UNC13C: variants seen among roughly 807,000 people sequenced by gnomAD.
UNC13C encodes the protein unc-13 homolog C.
Under a neutral mutation model 245.4 loss-of-function variants are expected in UNC13C, and 174 were observed. The observed-to-expected ratio is 0.71, with a 90% confidence interval of 0.63 to 0.80. The LOEUF is 0.80. Ranked by LOEUF, UNC13C falls within the 30% of genes least tolerant of loss-of-function variation. The pLI is 0.00. For synonymous variants in UNC13C, 992 were observed against 895.1 expected (o/e 1.11, Z -1.93); for missense variants, 2,829 against 2,602.9 (o/e 1.09, Z -1.89).
intron 13 of UNC13C, among the ~76,000 whole-genome samples, chr15:54,311,961 G>C (rs1317257407): frequency 6.6e-6 from 1 of 151,720 alleles, no homozygotes; most frequent in Non-Finnish European, 1.5e-5. Context: ...AGGTTACAAA[G>C]AGACTTTTAA....
rs916946085 is a variant in UNC13C, at chr15:54,254,590, C to T, written c.3448+4146C>T. 1.4e-4 allele frequency among the ~76,000 whole-genome samples: 22 copies of T among 152,248 alleles called. No homozygotes were observed. In the East Asian group the frequency reaches 3.3e-3, roughly 23 times the overall value. ...AATATCATCTTTCCATATAGGCATA[C>T]GCTATTAAAGGAGCTTCGAGATTAG... On this transcript the variant is annotated intron_variant, in intron 8 of 32. Transcript: ENST00000260323.
intron 4 of UNC13C, among the ~76,000 whole-genome samples, chr15:54,192,107 C>G (rs536710585): frequency 6.6e-6 from 1 of 152,134 alleles, no homozygotes; most frequent in South Asian, 2.1e-4. Flanking sequence ...TTCATGGAGT[C>G]TTTGCCCATG....
intron 2 of UNC13C, among the ~76,000 whole-genome samples, chr15:54,102,230 C>T (rs1900201928): frequency 6.6e-6 from 1 of 151,918 alleles, no homozygotes; most frequent in South Asian, 2.1e-4. Flanking sequence ...CATGTGCATG[C>T]ATATAAACTT....
chr15:54,160,479 A>T (rs1455493679), intron 4 of UNC13C, among the ~76,000 whole-genome samples: 1 of 151,552 alleles, frequency 6.6e-6, no homozygotes, highest in Admixed American at 6.6e-5. Context: ...ACTCCAGGAT[A>T]TCCTTTACTT....
intron 19 of UNC13C, among the ~76,000 whole-genome samples, chr15:54,483,574 C>A (rs1245996765): frequency 6.6e-6 from 1 of 152,148 alleles, no homozygotes. Context: ...CAGCTCACTG[C>A]AACGTCCACC....
At chr15:54,598,201 C>A (rs1229674029) in intron 30 of UNC13C, among the ~76,000 whole-genome samples, 1 of 152,106 alleles carries the variant, frequency 6.6e-6, no homozygotes, top group African/African-American at 2.4e-5. Flanking sequence ...GAAACAATTC[C>A]CCTGCCTCAG....
chr15:53,869,134 T>C, the UNC13C span, among the ~76,000 whole-genome samples: 1 of 152,030 alleles, frequency 6.6e-6, no homozygotes, highest in African/African-American at 2.4e-5. Flanking sequence ...AGAAAGCAAA[T>C]TGATAATCCA....
chr15:54,106,002 T>C (rs913740714), intron 2 of UNC13C, among the ~76,000 whole-genome samples: 1 of 152,208 alleles, frequency 6.6e-6, no homozygotes. Flanking sequence ...ACTAGGTAGA[T>C]ACTTTCTTCT....
At chr15:53,944,323 G>T in the UNC13C span, among the ~76,000 whole-genome samples, 2 of 151,892 alleles carry the variant, frequency 1.3e-5, no homozygotes, top group East Asian at 1.9e-4. Flanking sequence ...ATCATTTCAC[G>T]GGAGTTTGTT....
intron 30 of UNC13C, among the ~76,000 whole-genome samples, chr15:54,608,833 T>G (rs1899921258): frequency 6.6e-6 from 1 of 152,214 alleles, no homozygotes; most frequent in Admixed American, 6.5e-5. Context: ...GTTCCTTATC[T>G]TGCTATACTG....
intron 30 of UNC13C, among the ~76,000 whole-genome samples, chr15:54,612,561 C>T (rs973190797): frequency 6.6e-6 from 1 of 151,946 alleles, no homozygotes; most frequent in African/African-American, 2.4e-5. Flanking sequence ...TCCTGTTTAA[C>T]TTTTTCCCCA....
intron 19 of UNC13C, among the ~76,000 whole-genome samples, chr15:54,430,330 A>G (rs1246185307): frequency 6.6e-6 from 1 of 151,686 alleles, no homozygotes; most frequent in Non-Finnish European, 1.5e-5. Context: ...ACCAAGTCCA[A>G]CTGATATCAG....
At chr15:54,487,127 T>G (rs1235610495) in intron 19 of UNC13C, among the ~76,000 whole-genome samples, 2 of 152,116 alleles carry the variant, frequency 1.3e-5, no homozygotes, top group Non-Finnish European at 2.9e-5. Context: ...TCTACGTAGA[T>G]CAATCAGAGA....
intron 17 of UNC13C, among the ~76,000 whole-genome samples, chr15:54,371,717 T>TAC (rs10593078): frequency 0.04 from 5,951 of 149,654 alleles, 163 homozygotes; most frequent in Non-Finnish European, 0.042. Flanking sequence ...TATATATATA[T>TAC]ACACACACAC....
chr15:54,043,231 A>G (rs1002304664), intron 2 of UNC13C, among the ~76,000 whole-genome samples: 15 of 152,266 alleles, frequency 9.9e-5, no homozygotes, highest in African/African-American at 3.6e-4. Flanking sequence ...TAAAGGAGGC[A>G]GCCTTGAGCA....
At chr15:54,604,366 A>G (rs1486536928) in intron 30 of UNC13C, among the ~76,000 whole-genome samples, 1 of 148,796 alleles carries the variant, frequency 6.7e-6, no homozygotes, top group Non-Finnish European at 1.5e-5. Flanking sequence ...ACGAAGTTTG[A>G]AATTACTTTT....
At chr15:53,975,809 T>C (rs970008255), upstream of UNC13C, among the ~76,000 whole-genome samples, 1 of 152,202 alleles carries the variant, frequency 6.6e-6, no homozygotes, top group Admixed American at 6.5e-5. Flanking sequence ...CTTTCTGAAA[T>C]GACTGCTGAA....
chr15:54,285,373 A>G lies in UNC13C; in HGVS notation c.3819-8522A>G, dbSNP rs1010377788. Among the ~76,000 whole-genome samples, 13 of 152,156 alleles carry G rather than the reference A, an allele frequency of 8.5e-5. No individual in the cohort carries two copies. In the South Asian group the frequency reaches 1.2e-3, roughly 15 times the overall value. On this transcript the variant is annotated intron_variant, in intron 10 of 32. Coordinates refer to ENST00000260323, the MANE Select transcript of UNC13C (RefSeq NM_001080534.3). ...AGTCAGAGTTTGTCCATCTACTATA[A>G]TAGAATTTGAAGATAATAGTGTTAG... is the stretch of plus-strand genomic sequence containing the variant.
chr15:54,254,658 G>A (rs2036233912), intron 8 of UNC13C, among the ~76,000 whole-genome samples: 1 of 152,200 alleles, frequency 6.6e-6, no homozygotes, highest in Non-Finnish European at 1.5e-5. Context: ...GAGTTCAGAA[G>A]ATTTAGTGTC....
Sources: allele counts gnomAD v4.1 joint callset (sites outside exome capture counted in the v4.1 genomes callset), GRCh38; gene constraint gnomAD v4.1.1; transcripts MANE v1.5; gene names NCBI Gene and HGNC (gene_info 2026-07-23, HGNC 2026-07-21).